Variants in RAD51B observed in about 807,000 individuals in gnomAD.
RAD51B encodes the protein RAD51 paralog B.
In RAD51B, 38 loss-of-function variants were observed where a neutral mutation model predicts 42.2. That is an observed-to-expected ratio of 0.90 (90% CI 0.70 to 1.18). RAD51B has a LOEUF of 1.18. Among genes scored for constraint, RAD51B ranks in the 50% most tolerant of loss-of-function variants. The pLI is 0.00. For missense variants in RAD51B, 373 were observed against 400.7 expected, an observed-to-expected ratio of 0.93 and a Z score of 0.59; for synonymous variants, 154 against 145.2, an observed-to-expected ratio of 1.06 and a Z score of -0.43.
intron 7 of RAD51B, among the ~76,000 whole-genome samples, chr14:67,984,727 G>A (rs1054774554): frequency 1.7e-4 from 26 of 152,060 alleles, no homozygotes; most frequent in Non-Finnish European, 3.7e-4. Context: ...TGCCTCTTTT[G>A]TGCCGAGCTG....
At chr14:68,490,992 C>G (rs563340108) in intron 10 of RAD51B, among the ~76,000 whole-genome samples, 5 of 152,320 alleles carry the variant, frequency 3.3e-5, no homozygotes, top group Non-Finnish European at 5.9e-5. Flanking sequence ...TAGCCTACAA[C>G]TTTGTAGTCA....
At chr14:68,515,443 C>CTTTT (rs59782915) in intron 10 of RAD51B, among the ~76,000 whole-genome samples, 7 of 52,702 alleles carry the variant, frequency 1.3e-4, no homozygotes, top group Admixed American at 3.9e-4. Context: ...TCTTCTTCTT[C>CTTTT]TTTTTTTTTT....
intron 7 of RAD51B, among the ~76,000 whole-genome samples, chr14:68,133,718 C>T (rs1319702097): frequency 4.6e-5 from 7 of 152,146 alleles, no homozygotes; most frequent in Admixed American, 1.3e-4. Context: ...GTGATCCTCC[C>T]GCCTTAGCCT....
chr14:67,836,948 A>G (rs1215839658), intron 4 of RAD51B, among the ~76,000 whole-genome samples: 1 of 152,176 alleles, frequency 6.6e-6, no homozygotes, highest in Non-Finnish European at 1.5e-5. Context: ...AAACAAGAAC[A>G]GATTATTTTC....
intron 7 of RAD51B, among the ~76,000 whole-genome samples, chr14:67,962,453 G>A (rs2074689558): frequency 6.6e-6 from 1 of 152,158 alleles, no homozygotes; most frequent in Admixed American, 6.5e-5. Context: ...AAAAGCAAAA[G>A]TTATCTATAA....
At chr14:68,547,595 A>T (rs1888303991) in intron 10 of RAD51B, among the ~76,000 whole-genome samples, 1 of 152,194 alleles carries the variant, frequency 6.6e-6, no homozygotes, top group Non-Finnish European at 1.5e-5. Context: ...CACTGGCCTT[A>T]GAGTCCACAA....
At chr14:68,392,507 A>T (rs910889297) in intron 8 of RAD51B, among the ~76,000 whole-genome samples, 2 of 152,084 alleles carry the variant, frequency 1.3e-5, no homozygotes, top group Non-Finnish European at 2.9e-5. Context: ...CCCATTTGCC[A>T]CTTTGAACTG....
chr14:67,916,483 C>T (rs116446412), intron 7 of RAD51B, among the ~76,000 whole-genome samples: 31 of 152,124 alleles, frequency 2.0e-4, no homozygotes, highest in Non-Finnish European at 3.7e-4. Flanking sequence ...CTCAAGTGAT[C>T]CTCCTTGCCT....
chr14:68,604,966 A>C (rs1382938548), intron 10 of RAD51B, among the ~76,000 whole-genome samples: 1 of 152,106 alleles, frequency 6.6e-6, no homozygotes, highest in Non-Finnish European at 1.5e-5. Flanking sequence ...CATTTCCTTC[A>C]TATAACTGCT....
chr14:67,918,351 C>G (rs1270471779), intron 7 of RAD51B, among the ~76,000 whole-genome samples: 1 of 152,168 alleles, frequency 6.6e-6, no homozygotes, highest in Admixed American at 6.5e-5. Context: ...TCTTCTGCCT[C>G]AGCCTCCCGA....
chr14:68,177,844 A>T (rs529561711), intron 7 of RAD51B, among the ~76,000 whole-genome samples: 1 of 152,240 alleles, frequency 6.6e-6, no homozygotes, highest in South Asian at 2.1e-4. Context: ...TGACCAGATG[A>T]CCAGGTGCTA....
At chr14:68,485,545 A>G (rs1454931187) in intron 10 of RAD51B, among the ~76,000 whole-genome samples, 1 of 152,098 alleles carries the variant, frequency 6.6e-6, no homozygotes, top group Non-Finnish European at 1.5e-5. Flanking sequence ...TCAAAAAAAA[A>G]CAGACATCAG....
intron 7 of RAD51B, among the ~76,000 whole-genome samples, chr14:68,136,575 CAAAAAA>C (rs1204817902): frequency 0.14 from 632 of 4,432 alleles, 47 homozygotes; most frequent in East Asian, 0.73. Flanking sequence ...GACTCCATCT[CAAAAAA>C]AAAAAAAAAA....
intron 7 of RAD51B, among the ~76,000 whole-genome samples, chr14:68,018,102 G>C (rs974443390): frequency 3.9e-5 from 6 of 152,346 alleles, no homozygotes; most frequent in African/African-American, 1.4e-4. Flanking sequence ...AATTGAGTCT[G>C]GGTCTGTGTG....
At chr14:68,420,925 G>A (rs1012565891) in intron 9 of RAD51B, among the ~76,000 whole-genome samples, 10 of 152,172 alleles carry the variant, frequency 6.6e-5, no homozygotes, top group African/African-American at 2.4e-4. Context: ...TGCTAGAAAA[G>A]GAGGCCTTGA....
rs1437679646 is a variant in RAD51B at position 68,529,395 on chromosome 14, G to A, written c.1036+61145G>A. 1.1e-4 allele frequency among the ~76,000 whole-genome samples: 16 copies of A among 152,214 alleles called. No individual in the cohort carries two copies. In the East Asian group the frequency reaches 2.3e-3, roughly 22 times the overall value. Reference sequence around the variant, plus strand: ...TATTTTTTGGTACAGACAGGGTTTCGCCATGTTGGCCAGGCTGGTCTTGAA... The same window carrying A: ...TATTTTTTGGTACAGACAGGGTTTCACCATGTTGGCCAGGCTGGTCTTGAA... On this transcript the variant is annotated intron_variant, in intron 10 of 10. Transcript: ENST00000487270.
At position 68,655,820 on chromosome 14, in the gene RAD51B, C is replaced by T. The variant is rs138374258; in HGVS notation, c.*11+4964C>T. On this transcript the variant is annotated intron_variant, in intron 11 of 11. Transcript: ENST00000488612. Reference sequence around the variant, plus strand: ...CACCAGCTTCCATCTTACAGATCGGCGGGGTCTTTTCTCTCTGTTGCTAGT... The same window carrying T: ...CACCAGCTTCCATCTTACAGATCGGTGGGGTCTTTTCTCTCTGTTGCTAGT... Among the ~76,000 whole-genome samples, 228 of 152,318 alleles carry T rather than the reference C, an allele frequency of 1.5e-3. 1 individual carries two copies. The highest frequency in any genetic ancestry group is 5.2e-3 in the African/African-American group (215 of 41,570).
chr14:68,105,657 G>T (rs2140565720), intron 7 of RAD51B, among the ~76,000 whole-genome samples: 1 of 151,980 alleles, frequency 6.6e-6, no homozygotes, highest in South Asian at 2.1e-4. Context: ...CTATACCCAG[G>T]ATAATAATAA....
chr14:68,242,211 G>T (rs17105242), intron 7 of RAD51B, among the ~76,000 whole-genome samples: 4,443 of 152,230 alleles, frequency 0.029, 203 homozygotes, highest in African/African-American at 0.096. Flanking sequence ...TTTAGACTTG[G>T]CTCAGTCCAT....
Sources: gnomAD v4.1 joint callset for allele counts (sites outside exome capture counted in the v4.1 genomes callset) on GRCh38, gnomAD v4.1.1 for gene constraint, MANE v1.5 for transcripts, NCBI Gene and HGNC (gene_info 2026-07-23, HGNC 2026-07-21) for gene names.